KLHL32: variants seen among roughly 807,000 people sequenced by gnomAD.
KLHL32 encodes kelch like family member 32, also known as kelch-like protein 32.
A neutral mutation model predicts 64.8 loss-of-function variants in KLHL32; 35 were observed. The ratio of observed to expected loss-of-function variants is 0.54; its 90% CI spans 0.41 to 0.72. The LOEUF is 0.72. Ranked by LOEUF, KLHL32 falls within the 30% of genes least tolerant of loss-of-function variation. The probability of loss-of-function intolerance (pLI) is 0.00; values close to 1 mark genes in which losing one functional copy is unlikely to be tolerated. For synonymous variants in KLHL32, 259 were observed against 281.0 expected (o/e 0.92, Z 0.78); for missense variants, 589 against 768.5 (o/e 0.77, Z 2.76).
chr6:97,062,594 A>G (rs1286547938), intron 4 of KLHL32: 2 of 152,234 alleles, frequency 1.3e-5, no homozygotes, highest in Non-Finnish European at 2.9e-5. Context: ...TTATAAAATT[A>G]GTTAAAATTG....
At chr6:97,135,081 A>AT (rs1224132685) in intron 10 of KLHL32, among the ~76,000 whole-genome samples, 2 of 152,038 alleles carry the variant, frequency 1.3e-5, no homozygotes, top group African/African-American at 4.8e-5. Flanking sequence ...GGATTCAATT[A>AT]TTTTTTTAAG....
chr6:96,925,125 T>C (rs1768981110), intron 1 of KLHL32, 99 bp downstream of exon 1: 1 of 152,292 alleles, frequency 6.6e-6, no homozygotes, highest in Admixed American at 6.5e-5. Context: ...GAGTTGACAT[T>C]TCAGGGGCTT....
At chr6:96,969,576 T>G (rs1018968502) in intron 2 of KLHL32, among the ~76,000 whole-genome samples, 18 of 152,218 alleles carry the variant, frequency 1.2e-4, no homozygotes, top group Non-Finnish European at 2.2e-4. Context: ...ACAAAAATCT[T>G]CAGATTCAAC....
At chr6:97,123,061 G>A (rs910765694) in intron 7 of KLHL32, among the ~76,000 whole-genome samples, 5 of 152,092 alleles carry the variant, frequency 3.3e-5, no homozygotes, top group African/African-American at 9.7e-5. Context: ...ACTGCATTAC[G>A]ACCCATAGAC....
At chr6:97,098,234 A>G (rs999726026) in intron 6 of KLHL32, among the ~76,000 whole-genome samples, 2 of 152,210 alleles carry the variant, frequency 1.3e-5, no homozygotes, top group Admixed American at 1.3e-4. Context: ...ACCCTTTAAA[A>G]AAGAAAAATA....
intron 4 of KLHL32, among the ~76,000 whole-genome samples, chr6:97,055,238 C>A (rs1205517651): frequency 6.6e-6 from 1 of 152,194 alleles, no homozygotes; most frequent in African/African-American, 2.4e-5. Flanking sequence ...AAGGAAAAGT[C>A]ACCGTCCATT....
chr6:97,097,969 C>G (rs2128192793), intron 6 of KLHL32, among the ~76,000 whole-genome samples: 2 of 152,314 alleles, frequency 1.3e-5, no homozygotes, highest in Middle Eastern at 6.8e-3. Flanking sequence ...TTCCTGCTTC[C>G]AAACACAGCA....
intron 1 of KLHL32, among the ~76,000 whole-genome samples, chr6:96,958,147 C>A (rs1178139759): frequency 6.6e-6 from 1 of 152,116 alleles, no homozygotes; most frequent in Non-Finnish European, 1.5e-5. Context: ...GGACAATATG[C>A]AAAACATAAC....
intron 1 of KLHL32, among the ~76,000 whole-genome samples, chr6:96,952,818 G>T (rs1772789218): frequency 6.6e-6 from 1 of 152,188 alleles, no homozygotes; most frequent in Admixed American, 6.5e-5. Flanking sequence ...GGTCTTTTGA[G>T]ATGTTTTTCA....
chr6:96,920,530 CCT>C (rs1187012887), upstream of KLHL32, among the ~76,000 whole-genome samples: 3 of 151,978 alleles, frequency 2.0e-5, no homozygotes, highest in African/African-American at 7.2e-5. Flanking sequence ...CAGATTCACC[CCT>C]CTCCTCCTGA....
intron 3 of KLHL32, among the ~76,000 whole-genome samples, chr6:96,983,045 A>G (rs938002056): frequency 1.3e-5 from 2 of 152,248 alleles, no homozygotes; most frequent in Non-Finnish European, 2.9e-5. Flanking sequence ...TTGTTTTGAG[A>G]TACGTCCCAT....
Position 97,041,554 on chromosome 6 carries a change from C to G in KLHL32, c.267C>G (p.Thr89=), listed in dbSNP as rs1440679056. Residue 89 remains threonine, a synonymous_variant, in exon 4 of 11, where the codon ACC becomes ACG. Coordinates refer to ENST00000369261, the MANE Select transcript of KLHL32 (RefSeq NM_052904.4). ...ATGAGGTTAATTTGCACGGTGTGACCAGCCTTGGCTTAAAGCAGGCTCTGG... is the reference window on the plus strand; with the variant it reads ...ATGAGGTTAATTTGCACGGTGTGACGAGCCTTGGCTTAAAGCAGGCTCTGG... ...GADEVNLHGV[T]SLGLKQALEF... 2 of 1,613,790 alleles carry G rather than the reference C, an allele frequency of 1.2e-6. No individual in the cohort carries two copies. Among genetic ancestry groups the G allele is most frequent in the Non-Finnish European group, 1.7e-6 (2 of 1,179,774 alleles).
intron 3 of KLHL32, among the ~76,000 whole-genome samples, chr6:97,000,436 T>C (rs1778891840): frequency 6.6e-6 from 1 of 152,184 alleles, no homozygotes. Flanking sequence ...AGTAAGTTCA[T>C]TTGTGTGCTG....
chr6:97,116,699 A>G (rs1562356392), intron 7 of KLHL32, among the ~76,000 whole-genome samples: 1 of 152,196 alleles, frequency 6.6e-6, no homozygotes, highest in Non-Finnish European at 1.5e-5. Flanking sequence ...GCCTTAAGAA[A>G]GCACAGAAGC....
In KLHL32 at chr6:97,139,462, G is replaced by GTGTA. The variant is rs559504833; in HGVS notation, c.*184_*187dup. On this transcript the variant is annotated 3_prime_UTR_variant, in exon 11 of 11. Transcript: ENST00000369261. ...TATTGAAAACTCGTCACCCTTCTCAGTGTATGTCAACATTCAATATGTATG... is the reference window on the plus strand; with the variant it reads ...TATTGAAAACTCGTCACCCTTCTCAGTGTATGTATGTCAACATTCAATATGTATG... 46 of 580,340 alleles carry GTGTA rather than the reference G, an allele frequency of 7.9e-5. 1 individual carries two copies. In the South Asian group the frequency reaches 1.0e-3, roughly 13 times the overall value. The allele number at this position is 580,340 out of a possible 1,614,324, so 35.9% of individuals were successfully genotyped here.
At chr6:96,950,729 T>C (rs1190321140) in intron 1 of KLHL32, among the ~76,000 whole-genome samples, 1 of 152,176 alleles carries the variant, frequency 6.6e-6, no homozygotes. Flanking sequence ...TCTGAGAGAA[T>C]TAGCATGTTC....
At chr6:97,109,481 A>G (rs940899393) in intron 6 of KLHL32, among the ~76,000 whole-genome samples, 1 of 152,248 alleles carries the variant, frequency 6.6e-6, no homozygotes, top group African/African-American at 2.4e-5. Flanking sequence ...GGATGATAGT[A>G]GACCACAAAC....
chr6:97,066,098 A>G (rs2128155992), intron 5 of KLHL32, among the ~76,000 whole-genome samples: 1 of 152,336 alleles, frequency 6.6e-6, no homozygotes, highest in African/African-American at 2.4e-5. Flanking sequence ...TAGAAAGGTT[A>G]TAAGACTTCA....
At chr6:96,926,271 T>C (rs938759006) in intron 1 of KLHL32, among the ~76,000 whole-genome samples, 1 of 152,238 alleles carries the variant, frequency 6.6e-6, no homozygotes, top group African/African-American at 2.4e-5. Flanking sequence ...CAAATTCTTC[T>C]AATTTAGATT....
Sources: allele counts gnomAD v4.1 joint callset (sites outside exome capture counted in the v4.1 genomes callset), GRCh38; gene constraint gnomAD v4.1.1; transcripts MANE v1.5; gene names NCBI Gene and HGNC (gene_info 2026-07-23, HGNC 2026-07-21).